The following TRIM71 variants were observed in gnomAD, a reference collection of about 807,000 sequenced individuals.
The protein encoded by TRIM71 is tripartite motif containing 71, also known as E3 ubiquitin-protein ligase TRIM71.
Under a neutral mutation model 61.2 loss-of-function variants are expected in TRIM71, and 9 were observed. That is an observed-to-expected ratio of 0.15 (90% CI 0.09 to 0.26). TRIM71 has a LOEUF of 0.26. Among genes scored for constraint, TRIM71 ranks in the 10% least tolerant of loss-of-function variants. The probability of loss-of-function intolerance (pLI) is 1.00; values close to 1 mark genes in which losing one functional copy is unlikely to be tolerated. For missense variants in TRIM71, 998 were observed against 1,238.7 expected, an observed-to-expected ratio of 0.81 and a Z score of 2.92; for synonymous variants, 645 against 553.2, an observed-to-expected ratio of 1.17 and a Z score of -2.33.
Position 32,892,643 on chromosome 3 carries a change from C to A in TRIM71, c.*832C>A, listed in dbSNP as rs1697039459. Reference sequence around the variant, plus strand: ...AAAGCTGAAAATGACACACTGCCTCCCAAAGAACCTCTCCTTTTCACACTT... The same window carrying A: ...AAAGCTGAAAATGACACACTGCCTCACAAAGAACCTCTCCTTTTCACACTT... On this transcript the variant is annotated 3_prime_UTR_variant, in exon 4 of 4. Coordinates refer to ENST00000383763, the MANE Select transcript of TRIM71 (RefSeq NM_001039111.3). The A allele has an allele frequency of 6.6e-6, 1 of 152,064 alleles. No homozygotes were observed. Among genetic ancestry groups the A allele is most frequent in the Admixed American group, 6.6e-5 (1 of 15,262 alleles). The allele number at this position is 152,064 out of a possible 1,614,324, so 9.4% of individuals were successfully genotyped here.
At chr3:32,828,247 T>C (rs572478466) in intron 1 of TRIM71, among the ~76,000 whole-genome samples, 4 of 151,914 alleles carry the variant, frequency 2.6e-5, no homozygotes, top group Non-Finnish European at 5.9e-5. Context: ...CTTCCAGAAA[T>C]GTTGTAGATA....
intron 1 of TRIM71, among the ~76,000 whole-genome samples, chr3:32,838,285 G>T (rs188629882): frequency 1.3e-5 from 2 of 152,204 alleles, no homozygotes; most frequent in Admixed American, 6.5e-5. Context: ...GTGCAGTGGT[G>T]TGAGCTCCGG....
chr3:32,826,974 C>T (rs942603114), intron 1 of TRIM71, among the ~76,000 whole-genome samples: 7 of 151,584 alleles, frequency 4.6e-5, no homozygotes, highest in Non-Finnish European at 1.0e-4. Context: ...CTGTGTTAGC[C>T]AGGATGGTCT....
chr3:32,822,117 G>GCT (rs1425843417), intron 1 of TRIM71, among the ~76,000 whole-genome samples: 6 of 152,208 alleles, frequency 3.9e-5, no homozygotes, highest in Admixed American at 2.0e-4. Context: ...GTGTGCCTAA[G>GCT]CTGGGCGTCA....
At chr3:32,838,963 GCTA>G (rs1210579282) in intron 1 of TRIM71, among the ~76,000 whole-genome samples, 2 of 151,800 alleles carry the variant, frequency 1.3e-5, no homozygotes, top group African/African-American at 2.4e-5. Flanking sequence ...ACCACGCCTG[GCTA>G]CTTTTTGTAT....
chr3:32,846,072 C>CTTT (rs35520432), intron 1 of TRIM71, among the ~76,000 whole-genome samples: 1 of 92,762 alleles, frequency 1.1e-5, no homozygotes. Flanking sequence ...TGGTAAGCCA[C>CTTT]TTTTTTTTTT....
chr3:32,828,140 C>A (rs1405032023), intron 1 of TRIM71, among the ~76,000 whole-genome samples: 1 of 152,080 alleles, frequency 6.6e-6, no homozygotes, highest in Non-Finnish European at 1.5e-5. Flanking sequence ...GAGTTTAGAT[C>A]ATATATCTCC....
intron 2 of TRIM71, among the ~76,000 whole-genome samples, chr3:32,884,540 G>GA (rs11339536): frequency 7.2e-6 from 1 of 138,484 alleles, no homozygotes; most frequent in African/African-American, 2.7e-5. Flanking sequence ...ATCTCTATTT[G>GA]AAAAAAAAAA....
intron 2 of TRIM71, among the ~76,000 whole-genome samples, chr3:32,876,317 C>T (rs994937926): frequency 1.3e-5 from 2 of 152,126 alleles, no homozygotes; most frequent in African/African-American, 4.8e-5. Flanking sequence ...GGCACGGTTG[C>T]TCAAACCTGT....
chr3:32,846,784 GTGTC>G (rs1696480866), intron 1 of TRIM71, among the ~76,000 whole-genome samples: 1 of 151,978 alleles, frequency 6.6e-6, no homozygotes, highest in Admixed American at 6.6e-5. Context: ...ACATCATGTG[GTGTC>G]TGTCTTTCTG....
chr3:32,857,761 A>G (rs1696621495), intron 1 of TRIM71, among the ~76,000 whole-genome samples: 1 of 152,232 alleles, frequency 6.6e-6, no homozygotes, highest in Non-Finnish European at 1.5e-5. Context: ...ACTTGAGGTC[A>G]GGAGTTCAAG....
At chr3:32,869,725 G>GGTCTTT (rs1696775989) in intron 1 of TRIM71, among the ~76,000 whole-genome samples, 1 of 152,178 alleles carries the variant, frequency 6.6e-6, no homozygotes, top group South Asian at 2.1e-4. Context: ...CACATTCCTA[G>GGTCTTT]GTCTTTGTCT....
chr3:32,873,865 G>A lies in TRIM71; in HGVS notation c.900G>A (p.Glu300=), dbSNP rs1696823932. ...CTTGCTCTGTACCCATCTGTCGTGA[G>A]TGCACAATGGGCCGGCATGGGGGCC... ...CDTCSVPICR[E]CTMGRHGGHS... The change falls in exon 2 of 4, where the codon GAG becomes GAA. Residue 300 remains glutamate (E), a synonymous_variant. Transcript: ENST00000383763. The A allele has an allele frequency of 6.2e-7, 1 of 1,613,572 alleles. No homozygotes were observed. Among genetic ancestry groups the A allele is most frequent in the South Asian group, 1.1e-5 (1 of 90,974 alleles).
At chr3:32,848,896 A>G (rs374462599) in intron 1 of TRIM71, among the ~76,000 whole-genome samples, 1 of 152,170 alleles carries the variant, frequency 6.6e-6, no homozygotes, top group Non-Finnish European at 1.5e-5. Flanking sequence ...GCCCTGCCAG[A>G]CACATCCCTA....
At chr3:32,840,811 G>T (rs1447057621) in intron 1 of TRIM71, among the ~76,000 whole-genome samples, 1 of 152,178 alleles carries the variant, frequency 6.6e-6, no homozygotes, top group East Asian at 1.9e-4. Flanking sequence ...TGCTGCTGGG[G>T]AGCTTTCAGG....
chr3:32,827,826 C>T (rs897809969), intron 1 of TRIM71, among the ~76,000 whole-genome samples: 1 of 152,160 alleles, frequency 6.6e-6, no homozygotes, highest in Non-Finnish European at 1.5e-5. Flanking sequence ...CATCTGTTGG[C>T]TGCTGCATCC....
intron 1 of TRIM71, among the ~76,000 whole-genome samples, chr3:32,819,443 C>G (rs1164247389): frequency 6.6e-6 from 1 of 152,154 alleles, no homozygotes; most frequent in Admixed American, 6.5e-5. Context: ...CTCCGTAGAC[C>G]TGGTTTCCAC....
chr3:32,824,187 T>G (rs114651166), intron 1 of TRIM71, among the ~76,000 whole-genome samples: 2,937 of 152,270 alleles, frequency 0.019, 89 homozygotes, highest in African/African-American at 0.067. Flanking sequence ...GTCCTTTTGT[T>G]TTTTTCTGAG....
At chr3:32,852,652 C>T (rs1455988622) in intron 1 of TRIM71, among the ~76,000 whole-genome samples, 1 of 151,844 alleles carries the variant, frequency 6.6e-6, no homozygotes, top group African/African-American at 2.4e-5. Context: ...AAAAAGAAAG[C>T]AGCTGAATTT....
Sources: allele counts gnomAD v4.1 joint callset (sites outside exome capture counted in the v4.1 genomes callset), GRCh38; gene constraint gnomAD v4.1.1; transcripts MANE v1.5; gene names NCBI Gene and HGNC (gene_info 2026-07-23, HGNC 2026-07-21).